PCDHGA1: variants seen among roughly 807,000 people sequenced by gnomAD.
PCDHGA1 encodes protocadherin gamma-A1.
A neutral mutation model predicts 58.0 loss-of-function variants in PCDHGA1; 32 were observed. The ratio of observed to expected loss-of-function variants is 0.55; its 90% CI spans 0.42 to 0.74. The LOEUF is 0.74. Among genes scored for constraint, PCDHGA1 ranks in the 30% least tolerant of loss-of-function variants. The pLI is 0.00. For synonymous variants in PCDHGA1, 498 were observed against 501.1 expected, an observed-to-expected ratio of 0.99 and a Z score of 0.08; for missense variants, 1,205 against 1,182.3, an observed-to-expected ratio of 1.02 and a Z score of -0.28.
intron 2 of PCDHGA1, among the ~76,000 whole-genome samples, chr5:141,502,517 G>A (rs1333510345): frequency 1.3e-5 from 2 of 152,128 alleles, no homozygotes; most frequent in Admixed American, 6.6e-5. Flanking sequence ...CCCACTATCA[G>A]TGATGCCGAG....
At chr5:141,391,471 C>G (rs2092375745) in intron 1 of PCDHGA1, 1 of 152,152 alleles carries the variant, frequency 6.6e-6, no homozygotes, top group Non-Finnish European at 1.5e-5. Flanking sequence ...GCCACCAGAC[C>G]TGGCTAATTT....
At chr5:141,360,957 C>A in intron 1 of PCDHGA1, 3 of 1,613,904 alleles carry the variant, frequency 1.9e-6, no homozygotes, top group South Asian at 2.2e-5. Flanking sequence ...AAGGCATAAA[C>A]GCAGAGATCA....
intron 1 of PCDHGA1, chr5:141,388,709 C>T (rs370023698): frequency 1.9e-6 from 3 of 1,613,820 alleles, no homozygotes; most frequent in Admixed American, 3.3e-5. Context: ...GTGTCAATGC[C>T]GAGATTACTT....
chr5:141,497,502 T>C (rs1216218103), intron 2 of PCDHGA1, among the ~76,000 whole-genome samples: 1 of 151,628 alleles, frequency 6.6e-6, no homozygotes, highest in East Asian at 1.9e-4. Flanking sequence ...CTCTCCTCTC[T>C]CTGCTTCCTT....
chr5:141,365,000 G>A (rs188773052), intron 1 of PCDHGA1: 10 of 1,613,822 alleles, frequency 6.2e-6, no homozygotes, highest in Admixed American at 5.0e-5. Context: ...GGTACTCTCC[G>A]GCACCACGCA....
chr5:141,418,294 C>G, intron 1 of PCDHGA1: 1 of 1,613,988 alleles, frequency 6.2e-7, no homozygotes. Flanking sequence ...TCAGTGAATC[C>G]GTCAGCCTGG....
At position 141,331,794 on chromosome 5, in the gene PCDHGA1, T is replaced by G; in HGVS notation, c.1110T>G (p.Ser370Arg). 1 of 1,614,200 alleles carries G rather than the reference T, an allele frequency of 6.2e-7. No homozygotes were observed. Among genetic ancestry groups the G allele is most frequent in the Non-Finnish European group, 8.5e-7 (1 of 1,180,028 alleles). The change falls in exon 1 of 4, where the codon AGT (serine) becomes AGG (arginine). Residue 370 changes from serine (S) to arginine (R), a missense_variant. Ser to Arg is a moderately radical substitution (Grantham distance 110). Coordinates refer to ENST00000517417, the MANE Select transcript of PCDHGA1 (RefSeq NM_018912.3). ...FPPGTIIALI[S>R]VHDQDSGDNG... is the part of the protein sequence containing the mutation. ...CTGGGACCATAATTGCTCTTATCAG[T>G]GTGCATGACCAGGACTCAGGAGACA...
At chr5:141,482,790 G>A (rs2099572686) in intron 1 of PCDHGA1, among the ~76,000 whole-genome samples, 1 of 128,870 alleles carries the variant, frequency 7.8e-6, no homozygotes, top group African/African-American at 3.5e-5. Context: ...CTGTGTGTGT[G>A]GCCGGGTACG....
Position 141,490,318 on chromosome 5 carries a change from C to T in PCDHGA1, c.2422-4489C>T. ...ATTGGCCTCTTTGGCCAACCCTGTCCTAGAGAGCACACCAGTGGGCACAGT... is the reference window on the plus strand; with the variant it reads ...ATTGGCCTCTTTGGCCAACCCTGTCTTAGAGAGCACACCAGTGGGCACAGT... On this transcript the variant is annotated intron_variant, in intron 1 of 3. Transcript: ENST00000517417. The surrounding 1 kb of genome is among the most constrained non-coding windows in gnomAD (Gnocchi z 5.4). 1 of 1,614,220 alleles carries T rather than the reference C, an allele frequency of 6.2e-7. No homozygotes were observed.
intron 1 of PCDHGA1, chr5:141,478,531 C>T (rs771145308): frequency 1.9e-6 from 3 of 1,608,190 alleles, no homozygotes; most frequent in Non-Finnish European, 2.5e-6. Flanking sequence ...GTGCAGAGAG[C>T]GCCCCTCCCG....
At position 141,491,187 on chromosome 5, in the gene PCDHGA1, G is replaced by A. The variant is rs2099709293; in HGVS notation, c.2422-3620G>A. ...CCCAGCAGGTGGTGGTCCTGGTGAG[G>A]GACAATGGTGACCCTTCACTCTCCT... On this transcript the variant is annotated intron_variant, in intron 1 of 3. Coordinates refer to ENST00000517417, the MANE Select transcript of PCDHGA1 (RefSeq NM_018912.3). The surrounding 1 kb of genome is among the most constrained non-coding windows in gnomAD (Gnocchi z 6.9). The A allele has an allele frequency of 6.2e-7, 1 of 1,614,064 alleles. No homozygotes were observed. The highest frequency in any genetic ancestry group is 1.1e-5 in the South Asian group (1 of 91,080).
chr5:141,485,152 A>T lies in PCDHGA1; in HGVS notation c.2422-9655A>T. 1.3e-6 allele frequency: 2 copies of T among 1,586,090 alleles called. No homozygotes were observed. Among genetic ancestry groups the T allele is most frequent in the Non-Finnish European group, 8.6e-7 (1 of 1,157,176 alleles). ...CTTCATCCGCGTCTCAGGAGCAAGT[A>T]GAGAATTAGCGGGCGGCAGCAATGC... On this transcript the variant is annotated intron_variant, in intron 1 of 3. Coordinates refer to ENST00000517417, the MANE Select transcript of PCDHGA1 (RefSeq NM_018912.3). This position sits in a 1 kb window ranked among gnomAD's most constrained non-coding sequence, Gnocchi z 5.7.
intron 1 of PCDHGA1, among the ~76,000 whole-genome samples, chr5:141,444,312 C>G (rs2098431691): frequency 6.6e-6 from 1 of 151,856 alleles, no homozygotes; most frequent in Non-Finnish European, 1.5e-5. Flanking sequence ...GCTAGGATTA[C>G]AGGCATGTGC....
intron 1 of PCDHGA1, chr5:141,402,812 C>T: frequency 8.0e-7 from 1 of 1,243,800 alleles, no homozygotes; most frequent in East Asian, 2.6e-5. Flanking sequence ...GCAGATACCA[C>T]AAACCTGCTC....
At chr5:141,339,836 T>A (rs1756882662) in intron 1 of PCDHGA1, 2 of 1,614,130 alleles carry the variant, frequency 1.2e-6, no homozygotes, top group Non-Finnish European at 1.7e-6. Context: ...TGGAGAAACC[T>A]CAGAGGTATT....
chr5:141,397,967 C>T (rs931333276), intron 1 of PCDHGA1: 2 of 1,110,472 alleles, frequency 1.8e-6, no homozygotes, highest in Non-Finnish European at 2.5e-6. Context: ...CTCAGACTCC[C>T]CAGCGCCGGC....
At chr5:141,397,277 C>A (rs920366365) in intron 1 of PCDHGA1, among the ~76,000 whole-genome samples, 1 of 151,970 alleles carries the variant, frequency 6.6e-6, no homozygotes. Flanking sequence ...ATCATATGGG[C>A]AGTATACTTG....
At chr5:141,495,356 C>A (rs889897990) in intron 2 of PCDHGA1, among the ~76,000 whole-genome samples, 3 of 152,222 alleles carry the variant, frequency 2.0e-5, no homozygotes, top group Non-Finnish European at 4.4e-5. Flanking sequence ...GGCAGCACAG[C>A]TGGAGGTGGA....
intron 1 of PCDHGA1, chr5:141,427,818 G>T: frequency 6.5e-7 from 1 of 1,530,644 alleles, no homozygotes; most frequent in Non-Finnish European, 9.0e-7. Flanking sequence ...GAGCGGGGTG[G>T]TGGTCGCGCA....
Sources: gnomAD v4.1 joint callset for allele counts (sites outside exome capture counted in the v4.1 genomes callset) on GRCh38, gnomAD v4.1.1 for gene constraint, Gnocchi (gnomAD v3.1) non-coding constraint, MANE v1.5 for transcripts, NCBI Gene and HGNC (gene_info 2026-07-23, HGNC 2026-07-21) for gene names.